Variants in ZNF461 observed in about 807,000 individuals in gnomAD.
ZNF461 encodes the protein zinc finger protein 461.
ZNF461 carries 16 observed loss-of-function variants against 18.3 expected under a neutral mutation model. The ratio of observed to expected loss-of-function variants is 0.88; its 90% CI spans 0.59 to 1.33. The LOEUF (loss-of-function observed/expected upper bound fraction) is 1.33, where lower values mean the gene tolerates loss of function less well. Among genes scored for constraint, ZNF461 ranks in the 40% most tolerant of loss-of-function variants. The pLI is 0.00. For missense variants in ZNF461, 595 were observed against 669.9 expected, an observed-to-expected ratio of 0.89 and a Z score of 1.23; for synonymous variants, 179 against 216.9, an observed-to-expected ratio of 0.83 and a Z score of 1.54.
At position 36,639,090 on chromosome 19, in the gene ZNF461, CACATTCATG is replaced by C. The variant is rs1366225436; in HGVS notation, c.1246_1254del (p.His416_Cys418del). The stretch of plus-strand genomic sequence containing the variant: ...TGTAAGCCATCACAAAAAGCCTTCC[CACATTCATG>C]ACATTCATAAGGTTTCTTGCCAGAA... On this transcript the variant is annotated inframe_deletion, in exon 6 of 6. Transcript: ENST00000588268. The C allele has an allele frequency of 1.2e-6, 2 of 1,613,246 alleles. No homozygotes were observed. Among genetic ancestry groups the C allele is most frequent in the Non-Finnish European group, 1.7e-6 (2 of 1,179,904 alleles).
intron 2 of ZNF461, among the ~76,000 whole-genome samples, chr19:36,659,718 C>A (rs1261944224): frequency 6.6e-6 from 1 of 152,190 alleles, no homozygotes; most frequent in East Asian, 1.9e-4. Context: ...CATCCACCAC[C>A]TCTCCCTGTA....
intron 5 of ZNF461, among the ~76,000 whole-genome samples, chr19:36,641,380 G>A (rs1399355276): frequency 3.3e-5 from 5 of 151,808 alleles, no homozygotes; most frequent in East Asian, 1.9e-4. Flanking sequence ...TTAGCTGGAC[G>A]TGGTGGCGGA....
intron 4 of ZNF461, among the ~76,000 whole-genome samples, chr19:36,655,191 T>A (rs1055879779): frequency 6.6e-6 from 1 of 152,210 alleles, no homozygotes; most frequent in Admixed American, 6.5e-5. Context: ...GACAGGGCTT[T>A]TGCTATGTTG....
intron 2 of ZNF461, 105 bp downstream of exon 2, chr19:36,664,593 C>G (rs1450186168): frequency 1.5e-6 from 1 of 667,168 alleles, no homozygotes; most frequent in African/African-American, 2.8e-5. Context: ...GGCTATGTCT[C>G]AAAAAAAAAA....
chr19:36,646,306 A>G (rs1296843248), intron 4 of ZNF461, among the ~76,000 whole-genome samples: 1 of 151,896 alleles, frequency 6.6e-6, no homozygotes, highest in Non-Finnish European at 1.5e-5. Context: ...AATTTTTTGT[A>G]TTTTTAGTAG....
chr19:36,640,087 AAGAGAAATAAAAT>A, intron 5 of ZNF461, 44 bp from the exon 6 acceptor site: 1 of 1,474,696 alleles, frequency 6.8e-7, no homozygotes, highest in Non-Finnish European at 9.1e-7. Flanking sequence ...TTTGTACTAT[AAGAGAAATAAAAT>A]ATCTATGGTA....
intron 5 of ZNF461, among the ~76,000 whole-genome samples, chr19:36,642,545 G>A (rs985617592): frequency 6.6e-6 from 1 of 152,120 alleles, no homozygotes; most frequent in African/African-American, 2.4e-5. Context: ...TGCAGGCAGG[G>A]AGGGCGGGCA....
chr19:36,652,308 A>G (rs2037640386), intron 4 of ZNF461, among the ~76,000 whole-genome samples: 2 of 150,956 alleles, frequency 1.3e-5, no homozygotes, highest in South Asian at 2.1e-4. Flanking sequence ...CCTGGCCAAC[A>G]TGGTGAAACC....
chr19:36,641,525 C>A (rs2037422916), intron 5 of ZNF461, among the ~76,000 whole-genome samples: 1 of 149,244 alleles, frequency 6.7e-6, no homozygotes, highest in Non-Finnish European at 1.5e-5. Context: ...CAGAAACAAA[C>A]AAACAAACAA....
rs2037314473 is a variant in ZNF461 at position 36,637,371 on chromosome 19, A to AC, written c.*1281_*1282insG. On this transcript the variant is annotated 3_prime_UTR_variant, in exon 6 of 6. Transcript: ENST00000588268. ...ACCACCACGCCCAGCTAATTTTTGT[A>AC]TTTTTTTTTTAGTAGAGACGGGGTT... 2.1e-5 allele frequency: 3 copies of AC among 145,190 alleles called. No homozygotes were observed. Among genetic ancestry groups the AC allele is most frequent in the Middle Eastern group, 3.5e-3 (1 of 288 alleles). 9.0% of individuals were successfully genotyped at this position (145,190 alleles called of 1,614,324 possible).
chr19:36,647,114 CT>C (rs2037542233), intron 4 of ZNF461, among the ~76,000 whole-genome samples: 1 of 152,174 alleles, frequency 6.6e-6, no homozygotes, highest in African/African-American at 2.4e-5. Context: ...ATGATTAGTG[CT>C]GCTATGAACA....
Position 36,658,366 on chromosome 19 carries a change from C to A in ZNF461, c.69G>T (p.Leu23=), listed in dbSNP as rs369096760. 1.2e-6 allele frequency: 2 copies of A among 1,611,640 alleles called. No individual in the cohort carries two copies. Among genetic ancestry groups the A allele is most frequent in the Non-Finnish European group, 1.7e-6 (2 of 1,178,668 alleles). The change falls in exon 3 of 6, where the codon CTG becomes CTT. Residue 23 remains leucine, a synonymous_variant. Coordinates refer to ENST00000588268, the MANE Select transcript of ZNF461 (RefSeq NM_153257.5). ...IDVSQEEWEC[L]NPAQRNLYKE... ...TGTACAAATTCCTCTGCGCTGGGTT[C>A]AGGCATTCCCATTCCTCCTGAGAGA... is the stretch of plus-strand genomic sequence containing the variant.
intron 5 of ZNF461, among the ~76,000 whole-genome samples, chr19:36,641,801 T>G (rs995466092): frequency 2.0e-5 from 3 of 152,092 alleles, no homozygotes; most frequent in African/African-American, 4.8e-5. Flanking sequence ...CTACATCGAC[T>G]GCACTGATTT....
intron 5 of ZNF461, among the ~76,000 whole-genome samples, chr19:36,642,769 G>C (rs1221659847): frequency 6.8e-6 from 1 of 147,940 alleles, no homozygotes; most frequent in Admixed American, 6.8e-5. Flanking sequence ...GTGGGGGGGG[G>C]TGGGGCACAG....
chr19:36,647,743 T>C (rs75112266), intron 4 of ZNF461, among the ~76,000 whole-genome samples: 2 of 152,296 alleles, frequency 1.3e-5, no homozygotes, highest in South Asian at 2.1e-4. Context: ...CTAAATCTCA[T>C]GTGGAATTGT....
At chr19:36,649,407 T>C (rs1336038870) in intron 4 of ZNF461, among the ~76,000 whole-genome samples, 2 of 152,290 alleles carry the variant, frequency 1.3e-5, no homozygotes, top group South Asian at 2.1e-4. Flanking sequence ...CTTGGCTCAC[T>C]GCAACCTCTG....
chr19:36,649,857 T>C (rs1364938250), intron 4 of ZNF461, among the ~76,000 whole-genome samples: 1 of 152,186 alleles, frequency 6.6e-6, no homozygotes, highest in East Asian at 1.9e-4. Context: ...ATACATACAA[T>C]TTGTATTTTT....
At chr19:36,664,654 A>G in intron 2 of ZNF461, 44 bp downstream of exon 2, 1 of 1,494,010 alleles carries the variant, frequency 6.7e-7, no homozygotes, top group South Asian at 1.4e-5. Flanking sequence ...CAAACAAACA[A>G]AAAATCAAGT....
intron 4 of ZNF461, among the ~76,000 whole-genome samples, chr19:36,653,356 CA>C (rs1416983491): frequency 6.6e-6 from 1 of 152,044 alleles, no homozygotes; most frequent in Non-Finnish European, 1.5e-5. Flanking sequence ...AGCCATTTTC[CA>C]AAGGACAAGT....
Sources: gnomAD v4.1 joint callset for allele counts (sites outside exome capture counted in the v4.1 genomes callset) on GRCh38, gnomAD v4.1.1 for gene constraint, MANE v1.5 for transcripts, NCBI Gene and HGNC (gene_info 2026-07-23, HGNC 2026-07-21) for gene names.